LAMA2: variants seen among roughly 807,000 people sequenced by gnomAD.
LAMA2 encodes laminin subunit alpha 2.
In LAMA2, 269 loss-of-function variants were observed where a neutral mutation model predicts 364.8. The ratio of observed to expected loss-of-function variants is 0.74; its 90% CI spans 0.67 to 0.82. LAMA2 has a LOEUF of 0.82. LAMA2 is among the 40% of genes least tolerant of loss of function. LAMA2 has a pLI of 0.00. For synonymous variants in LAMA2, 1,379 were observed against 1,370.6 expected, an observed-to-expected ratio of 1.01 and a Z score of -0.14; for missense variants, 3,807 against 3,873.2, an observed-to-expected ratio of 0.98 and a Z score of 0.45.
chr6:129,110,064 G>T (rs1482934193), intron 4 of LAMA2, among the ~76,000 whole-genome samples: 3 of 150,926 alleles, frequency 2.0e-5, no homozygotes, highest in Non-Finnish European at 2.9e-5. Context: ...TGTTAATATT[G>T]TACAGATAGG....
At chr6:129,229,159 T>G (rs1290972456) in intron 12 of LAMA2, among the ~76,000 whole-genome samples, 2 of 152,166 alleles carry the variant, frequency 1.3e-5, no homozygotes, top group Non-Finnish European at 1.5e-5. Flanking sequence ...GAATATTAAT[T>G]AGATAAGCAC....
chr6:128,986,212 T>G lies in LAMA2; in HGVS notation c.113-63706T>G, dbSNP rs147140175. Among the ~76,000 whole-genome samples, 8 of 152,306 alleles carry G rather than the reference T, an allele frequency of 5.3e-5. No homozygotes were observed. In the East Asian group the frequency reaches 1.5e-3, roughly 29 times the overall value. ...TGTCTTCAACTTGGCTTTCTAGTCC[T>G]TTAAACTCAGTTTTCCTTAATGATT... On this transcript the variant is annotated intron_variant, in intron 1 of 64. Coordinates refer to ENST00000421865, the MANE Select transcript of LAMA2 (RefSeq NM_000426.4).
At chr6:129,099,136 T>TTG (rs1554217842) in intron 4 of LAMA2, among the ~76,000 whole-genome samples, 8 of 150,002 alleles carry the variant, frequency 5.3e-5, no homozygotes, top group African/African-American at 7.3e-5. Flanking sequence ...TTTTTTTTTT[T>TTG]TTTGTTTTCT....
intron 4 of LAMA2, among the ~76,000 whole-genome samples, chr6:129,108,326 T>G (rs9492235): frequency 0.26 from 39,951 of 152,000 alleles, 6,010 homozygotes; most frequent in African/African-American, 0.42. Flanking sequence ...AATAGACTTG[T>G]TAGAATTTTG....
chr6:129,200,891 G>T (rs1562325523), intron 12 of LAMA2, among the ~76,000 whole-genome samples: 1 of 152,000 alleles, frequency 6.6e-6, no homozygotes, highest in Non-Finnish European at 1.5e-5. Context: ...TAAAATTTCT[G>T]CATCCTTACT....
At chr6:128,923,260 C>G (rs1042001856) in intron 1 of LAMA2, among the ~76,000 whole-genome samples, 1 of 151,548 alleles carries the variant, frequency 6.6e-6, no homozygotes, top group Admixed American at 6.6e-5. Flanking sequence ...TCATTGGTAG[C>G]TTGATGGGAA....
At chr6:129,207,785 T>C (rs1782779294) in intron 12 of LAMA2, among the ~76,000 whole-genome samples, 1 of 142,588 alleles carries the variant, frequency 7.0e-6, no homozygotes, top group African/African-American at 3.0e-5. Context: ...AAAATACCCC[T>C]GAGAAAAAAA....
At chr6:129,097,153 C>T (rs1775235695) in intron 3 of LAMA2, among the ~76,000 whole-genome samples, 1 of 152,190 alleles carries the variant, frequency 6.6e-6, no homozygotes, top group Admixed American at 6.5e-5. Flanking sequence ...ATAGCATTTA[C>T]TAGTCAAGAA....
In LAMA2 at chr6:129,361,913, T is replaced by A. The variant is rs1184801399; in HGVS notation, c.4718-4306T>A. Among the ~76,000 whole-genome samples the A allele has an allele frequency of 4.0e-5, 6 of 151,104 alleles. No homozygotes were observed. The East Asian group carries it at 9.9e-4, about 25-fold the overall frequency. The stretch of plus-strand genomic sequence containing the variant: ...GATACTCCTCCCTCAGCCTCCCGAG[T>A]AGCGGGACTAGAGGCACATGCCACC... On this transcript the variant is annotated intron_variant, in intron 32 of 64. Transcript: ENST00000421865.
At chr6:129,314,023 G>T (rs1433171230) in intron 23 of LAMA2, among the ~76,000 whole-genome samples, 1 of 152,156 alleles carries the variant, frequency 6.6e-6, no homozygotes, top group East Asian at 1.9e-4. Context: ...AAGACTCAAT[G>T]TTTTTATGTT....
At position 129,214,289 on chromosome 6, in the gene LAMA2, C is replaced by T. The variant is rs145080209; in HGVS notation, c.1782+21436C>T. On this transcript the variant is annotated intron_variant, in intron 12 of 64. Coordinates refer to ENST00000421865, the MANE Select transcript of LAMA2 (RefSeq NM_000426.4). ...TGGGCATGTGCAAAATGACCAAACA[C>T]AAGAGGGAGCCTTCCTTTTTAACAA... 5.6e-3 allele frequency among the ~76,000 whole-genome samples: 853 copies of T among 152,248 alleles called. 6 individuals carry two copies. The highest frequency in any genetic ancestry group is 0.018 in the African/African-American group (760 of 41,550).
At chr6:129,501,132 G>A (rs1319217185) in intron 58 of LAMA2, among the ~76,000 whole-genome samples, 3 of 152,100 alleles carry the variant, frequency 2.0e-5, no homozygotes, top group African/African-American at 4.8e-5. Flanking sequence ...TCCTCTGTCC[G>A]GGAAATATCG....
At chr6:129,271,491 A>G (rs1787933577) in intron 17 of LAMA2, among the ~76,000 whole-genome samples, 2 of 125,104 alleles carry the variant, frequency 1.6e-5, no homozygotes, top group African/African-American at 3.1e-5. Context: ...TTTTTTTGAG[A>G]CAGAGTCTCG....
chr6:129,028,168 C>T (rs1785965494), intron 1 of LAMA2, among the ~76,000 whole-genome samples: 2 of 151,838 alleles, frequency 1.3e-5, no homozygotes, highest in Admixed American at 6.6e-5. Context: ...GAATTTGTGT[C>T]AGCTGCAAAA....
intron 1 of LAMA2, among the ~76,000 whole-genome samples, chr6:128,957,705 G>T (rs1321933781): frequency 6.6e-6 from 1 of 151,920 alleles, no homozygotes; most frequent in East Asian, 1.9e-4. Context: ...CTTGTTGGCT[G>T]TCTCCGTGGC....
rs1249308596 is a variant in LAMA2, at chr6:129,009,382, A to G, written c.113-40536A>G. Among the ~76,000 whole-genome samples, 3 of 152,000 alleles carry G rather than the reference A, an allele frequency of 2.0e-5. No individual in the cohort carries two copies. The East Asian group carries it at 5.8e-4, about 29-fold the overall frequency. ...TCAAAAAAGCTTCAAAATTTTGGCA[A>G]ATGTTGCATTTTTTTTTCCAATTAG... On this transcript the variant is annotated intron_variant, in intron 1 of 64. Transcript: ENST00000421865.
At chr6:129,274,380 C>G (rs755653250) in intron 17 of LAMA2, among the ~76,000 whole-genome samples, 1 of 151,536 alleles carries the variant, frequency 6.6e-6, no homozygotes, top group Non-Finnish European at 1.5e-5. Flanking sequence ...TGCATACAAT[C>G]CTGAAGACGA....
intron 1 of LAMA2, among the ~76,000 whole-genome samples, chr6:129,013,758 TATAGAGAATTTATTCTCTATATGAGA>T (rs1477031348): frequency 6.6e-6 from 1 of 152,078 alleles, no homozygotes; most frequent in East Asian, 1.9e-4. Flanking sequence ...CCAGTTCTCA[TATAGAGAATTTATTCTCTATATGAGA>T]ATAGAGAATA....
chr6:128,953,405 G>T (rs1467189076), intron 1 of LAMA2, among the ~76,000 whole-genome samples: 1 of 152,042 alleles, frequency 6.6e-6, no homozygotes, highest in Non-Finnish European at 1.5e-5. Context: ...AGTCTTTAAG[G>T]AAGAAAAACA....
Sources: allele counts gnomAD v4.1 joint callset (sites outside exome capture counted in the v4.1 genomes callset), GRCh38; gene constraint gnomAD v4.1.1; transcripts MANE v1.5; gene names NCBI Gene and HGNC (gene_info 2026-07-23, HGNC 2026-07-21).